The following EFCAB6 variants were observed in gnomAD, a reference collection of about 807,000 sequenced individuals.
The protein encoded by EFCAB6 is EF-hand calcium-binding domain-containing protein 6.
Under a neutral mutation model 169.8 loss-of-function variants are expected in EFCAB6, and 156 were observed. The observed-to-expected ratio is 0.92, with a 90% CI of 0.81 to 1.05. The LOEUF (loss-of-function observed/expected upper bound fraction) is 1.05. Ranked by LOEUF, EFCAB6 falls within the 50% of genes least tolerant of loss-of-function variation. The pLI is 0.00. For synonymous variants in EFCAB6, 698 were observed against 676.4 expected (o/e 1.03, Z -0.50); for missense variants, 1,800 against 1,829.1 (o/e 0.98, Z 0.29).
intron 8 of EFCAB6, among the ~76,000 whole-genome samples, chr22:43,722,182 T>G (rs1234322583): frequency 6.6e-6 from 1 of 151,964 alleles, no homozygotes; most frequent in Non-Finnish European, 1.5e-5. Flanking sequence ...AAATGCAAAT[T>G]GAAGCCACAA....
At chr22:43,530,501 G>A (rs984151534) in intron 31 of EFCAB6, 7 of 983,962 alleles carry the variant, frequency 7.1e-6, no homozygotes, top group South Asian at 9.4e-5. Context: ...GAGAGGGCTC[G>A]GAGCAGCAGC....
rs373762581 is a variant in EFCAB6 at position 43,607,958 on chromosome 22, C to A, written c.2681+524G>T. Among the ~76,000 whole-genome samples, 12 of 152,296 alleles carry A rather than the reference C, an allele frequency of 7.9e-5. No homozygotes were observed. In the East Asian group the frequency reaches 1.9e-3, roughly 24 times the overall value. On this transcript the variant is annotated intron_variant, in intron 22 of 31. Coordinates refer to ENST00000262726, the MANE Select transcript of EFCAB6 (RefSeq NM_022785.4). ...TACATTTGACAAATGGAACCAACAT[C>A]GGATAAAATTTTCGGTTTAAGAGAC...
chr22:43,627,801 G>T (rs1247984681), intron 19 of EFCAB6, among the ~76,000 whole-genome samples: 4 of 152,234 alleles, frequency 2.6e-5, no homozygotes, highest in Non-Finnish European at 2.9e-5. Context: ...AGCAAGACCT[G>T]CTGTGACTCA....
At chr22:43,592,794 C>T (rs1191783216) in intron 23 of EFCAB6, among the ~76,000 whole-genome samples, 4 of 152,192 alleles carry the variant, frequency 2.6e-5, no homozygotes, top group African/African-American at 4.8e-5. Context: ...TTTGCGTTTT[C>T]GAACGAGCCC....
In EFCAB6 at chr22:43,564,440, T is replaced by C. The variant is rs569197074; in HGVS notation, c.3421-9344A>G. On this transcript the variant is annotated intron_variant, in intron 26 of 31. Coordinates refer to ENST00000262726, the MANE Select transcript of EFCAB6 (RefSeq NM_022785.4). ...TCCAGCCTGGGTGACAGAGCAAAAC[T>C]ATGTCTCAGAAAAAAAAAGAAAAAA... 9.1e-5 allele frequency among the ~76,000 whole-genome samples: 13 copies of C among 142,628 alleles called. 1 individual carries two copies. Among genetic ancestry groups the C allele is most frequent in the Admixed American group, 2.8e-4 (4 of 14,168 alleles). 93.6% of individuals were successfully genotyped at this position (142,628 alleles called of 152,430 possible).
At position 43,672,246 on chromosome 22, in the gene EFCAB6, T is replaced by C. The variant is rs2057525604; in HGVS notation, c.1479A>G (p.Ser493=). The C allele has an allele frequency of 6.2e-7, 1 of 1,614,062 alleles. No individual in the cohort carries two copies. Among genetic ancestry groups the C allele is most frequent in the Non-Finnish European group, 8.5e-7 (1 of 1,180,028 alleles). The change falls in exon 14 of 32, where the codon TCA becomes TCG. Residue 493 remains serine, a splice_region_variant and synonymous_variant. Transcript: ENST00000262726. ...AKTPFLLAWD[S]VEEIVHDTIT... ...CACAAAGAAGGCAAGTGTTACTTACTGAATCCCAGGCCAGGAGGAAAGGTG... is the reference window on the plus strand; with the variant it reads ...CACAAAGAAGGCAAGTGTTACTTACCGAATCCCAGGCCAGGAGGAAAGGTG...
intron 6 of EFCAB6, among the ~76,000 whole-genome samples, chr22:43,751,013 C>T (rs2060737978): frequency 6.6e-6 from 1 of 152,162 alleles, no homozygotes; most frequent in African/African-American, 2.4e-5. Flanking sequence ...ACTGGGTAGA[C>T]CAGATGTTCT....
At position 43,755,382 on chromosome 22, in the gene EFCAB6, A is replaced by AT. The variant is rs547480308; in HGVS notation, c.507+383dup. 5.7e-4 allele frequency among the ~76,000 whole-genome samples: 87 copies of AT among 152,320 alleles called. 3 individuals carry two copies. The East Asian group carries it at 0.016, about 28-fold the overall frequency. ...TATATCACTTTGAGTTTGACTGGTTATTTTTACTATGCAGCTCTTGATTGG... is the reference window on the plus strand; with the variant it reads ...TATATCACTTTGAGTTTGACTGGTTATTTTTTACTATGCAGCTCTTGATTGG... On this transcript the variant is annotated intron_variant, in intron 6 of 31. Transcript: ENST00000262726.
intron 27 of EFCAB6, among the ~76,000 whole-genome samples, chr22:43,548,150 A>G (rs1045819494): frequency 6.6e-6 from 1 of 152,184 alleles, no homozygotes; most frequent in Non-Finnish European, 1.5e-5. Context: ...AAATGAAAGC[A>G]CTTTTGATGA....
Position 43,603,622 on chromosome 22 carries a change from T to C in EFCAB6, c.2682-3359A>G, listed in dbSNP as rs149856230. Among the ~76,000 whole-genome samples the C allele has an allele frequency of 1.3e-3, 202 of 152,376 alleles. 2 individuals are homozygous for C. The highest frequency in any genetic ancestry group is 4.6e-3 in the African/African-American group (192 of 41,590). On this transcript the variant is annotated intron_variant, in intron 22 of 31. Transcript: ENST00000262726. ...TCAGTTTAGGCACTTAATTCCCACA[T>C]ACATTTCAGAAGTATCTTCAAATGC...
chr22:43,741,716 G>A (rs1238225472), intron 6 of EFCAB6, among the ~76,000 whole-genome samples: 1 of 152,098 alleles, frequency 6.6e-6, no homozygotes, highest in Admixed American at 6.5e-5. Flanking sequence ...CCGTGTCTGC[G>A]GCCCTTCCCT....
chr22:43,692,841 A>C (rs1197648064), intron 10 of EFCAB6, among the ~76,000 whole-genome samples: 1 of 152,112 alleles, frequency 6.6e-6, no homozygotes, highest in East Asian at 1.9e-4. Flanking sequence ...TAAAGGCCAA[A>C]ATTTTCCCAA....
At chr22:43,635,479 C>A (rs1201524502) in intron 17 of EFCAB6, among the ~76,000 whole-genome samples, 1 of 152,206 alleles carries the variant, frequency 6.6e-6, no homozygotes, top group Admixed American at 6.5e-5. Context: ...GGTGCCACTG[C>A]AGACTTTTCC....
intron 30 of EFCAB6, 43 bp downstream of exon 30, chr22:43,534,645 C>T (rs774015973): frequency 2.6e-6 from 4 of 1,547,608 alleles, no homozygotes; most frequent in South Asian, 2.5e-5. Flanking sequence ...TGAAAGCGCC[C>T]CTTTCCACCT....
intron 13 of EFCAB6, among the ~76,000 whole-genome samples, chr22:43,675,459 A>ATATAATC (rs1317885644): frequency 3.3e-5 from 1 of 30,766 alleles, no homozygotes; most frequent in Non-Finnish European, 6.6e-5. Flanking sequence ...ATAATATATG[A>ATATAATC]TATAATATAT....
At position 43,632,211 on chromosome 22, in the gene EFCAB6, G is replaced by A. The variant is rs762360196; in HGVS notation, c.2126C>T (p.Thr709Ile). The change falls in exon 19 of 32, where the codon ACT (threonine) becomes ATT (isoleucine). Residue 709 changes from threonine to isoleucine, a missense_variant. Physicochemically the swap from Thr to Ile is moderately conservative, Grantham distance 89. Transcript: ENST00000262726. ...TGAAGGAGTTGGAGGCTGCGGCGGA[G>A]TGGTTTCCGGCCCTCTCATTGGAGG... ...EDPPMRGPET[T>I]PPQPPTPSKS... is the part of the protein sequence containing the mutation. 2.5e-6 allele frequency: 4 copies of A among 1,613,052 alleles called. No homozygotes were observed. In the African/African-American group the frequency reaches 4.0e-5, roughly 16 times the overall value.
At chr22:43,705,978 A>C (rs1335292627) in intron 10 of EFCAB6, among the ~76,000 whole-genome samples, 1 of 152,188 alleles carries the variant, frequency 6.6e-6, no homozygotes, top group African/African-American at 2.4e-5. Context: ...AAATAAACAA[A>C]TATTTACCTA....
At chr22:43,649,284 AAAT>A (rs1259888294) in intron 17 of EFCAB6, among the ~76,000 whole-genome samples, 3 of 152,220 alleles carry the variant, frequency 2.0e-5, no homozygotes, top group Non-Finnish European at 2.9e-5. Context: ...TCGCAGTGGC[AAAT>A]AATAATAATA....
intron 2 of EFCAB6, among the ~76,000 whole-genome samples, chr22:43,792,395 T>C (rs767213179): frequency 6.6e-6 from 1 of 152,100 alleles, no homozygotes; most frequent in Non-Finnish European, 1.5e-5. Context: ...CAAGGGTGTG[T>C]GCAAGGGAAG....
Sources: allele counts gnomAD v4.1 joint callset (sites outside exome capture counted in the v4.1 genomes callset), GRCh38; gene constraint gnomAD v4.1.1; transcripts MANE v1.5; gene names NCBI Gene and HGNC (gene_info 2026-07-23, HGNC 2026-07-21).